Variants in FILIP1L observed in about 807,000 individuals in gnomAD.
The protein encoded by FILIP1L is filamin A-interacting protein 1-like.
In FILIP1L, 55 loss-of-function variants were observed where a neutral mutation model predicts 96.6. The observed-to-expected ratio is 0.57, with a 90% CI of 0.46 to 0.71. FILIP1L has a LOEUF of 0.71. FILIP1L is among the 30% of genes least tolerant of loss of function. The probability of loss-of-function intolerance (pLI) is 0.00; values close to 1 mark genes in which losing one functional copy is unlikely to be tolerated. For missense variants in FILIP1L, 1,304 were observed against 1,321.2 expected, an observed-to-expected ratio of 0.99 and a Z score of 0.20; for synonymous variants, 467 against 473.9, an observed-to-expected ratio of 0.99 and a Z score of 0.19.
chr3:99,980,544 G>T (rs1709091941), intron 1 of FILIP1L, among the ~76,000 whole-genome samples: 1 of 152,118 alleles, frequency 6.6e-6, no homozygotes, highest in East Asian at 1.9e-4. Flanking sequence ...TTCAGTTCAG[G>T]TTTTATCCAA....
At chr3:99,959,713 G>C (rs1043808394) in intron 1 of FILIP1L, among the ~76,000 whole-genome samples, 1 of 152,198 alleles carries the variant, frequency 6.6e-6, no homozygotes, top group Non-Finnish European at 1.5e-5. Context: ...CCAATAAATA[G>C]AGCAATAATG....
intron 5 of FILIP1L, among the ~76,000 whole-genome samples, chr3:99,837,272 C>T (rs996623938): frequency 6.6e-6 from 1 of 152,148 alleles, no homozygotes; most frequent in African/African-American, 2.4e-5. Flanking sequence ...TGTTATGGAA[C>T]TTTTGAGGAC....
chr3:99,922,449 G>A (rs570098813), intron 4 of FILIP1L, among the ~76,000 whole-genome samples: 14 of 152,190 alleles, frequency 9.2e-5, no homozygotes, highest in East Asian at 3.9e-4. Flanking sequence ...CCTCTCTGCC[G>A]TGTAGTGAAA....
intron 5 of FILIP1L, among the ~76,000 whole-genome samples, chr3:99,844,587 C>G (rs1409324820): frequency 6.6e-6 from 1 of 152,178 alleles, no homozygotes; most frequent in African/African-American, 2.4e-5. Flanking sequence ...GGGAGTTTTA[C>G]TTCAACCAGT....
At chr3:99,911,431 G>T (rs1340526938) in intron 4 of FILIP1L, among the ~76,000 whole-genome samples, 1 of 151,688 alleles carries the variant, frequency 6.6e-6, no homozygotes, top group Non-Finnish European at 1.5e-5. Flanking sequence ...TACACTCTAG[G>T]TTCTCTAACA....
chr3:99,914,538 C>T (rs1286897344), intron 4 of FILIP1L, among the ~76,000 whole-genome samples: 5 of 152,076 alleles, frequency 3.3e-5, no homozygotes, highest in Admixed American at 3.3e-4. Flanking sequence ...AACATCATAT[C>T]ATGTTTAAAT....
chr3:99,919,457 A>C, intron 4 of FILIP1L, among the ~76,000 whole-genome samples: 1 of 149,978 alleles, frequency 6.7e-6, no homozygotes, highest in South Asian at 2.2e-4. Flanking sequence ...TATATATTTA[A>C]TCAATTATTG....
chr3:100,042,383 A>G (rs146195249), intron 1 of FILIP1L, among the ~76,000 whole-genome samples: 5 of 152,316 alleles, frequency 3.3e-5, no homozygotes, highest in African/African-American at 1.2e-4. Context: ...GATACAGTGA[A>G]ATCTGTTATC....
At chr3:100,011,874 G>A (rs1007668976) in intron 1 of FILIP1L, 1 of 152,144 alleles carries the variant, frequency 6.6e-6, no homozygotes, top group Non-Finnish European at 1.5e-5. Context: ...TAAAATTCAA[G>A]TTTTAGTATT....
chr3:100,085,124 A>T (rs1465144603), intron 1 of FILIP1L, among the ~76,000 whole-genome samples: 1 of 152,218 alleles, frequency 6.6e-6, no homozygotes, highest in Non-Finnish European at 1.5e-5. Context: ...CAATAGAATC[A>T]CAAGAGAAAC....
intron 1 of FILIP1L, among the ~76,000 whole-genome samples, chr3:99,988,762 A>G (rs1709428366): frequency 6.6e-6 from 1 of 152,188 alleles, no homozygotes; most frequent in African/African-American, 2.4e-5. Context: ...TTTTACAGAA[A>G]CATAGTATAA....
chr3:100,063,196 C>T (rs1026676344), intron 1 of FILIP1L, among the ~76,000 whole-genome samples: 10 of 152,156 alleles, frequency 6.6e-5, no homozygotes, highest in African/African-American at 2.4e-4. Context: ...TTAAAATCTG[C>T]TTACCCTAGA....
At chr3:99,859,935 G>T (rs528465936) in intron 4 of FILIP1L, among the ~76,000 whole-genome samples, 1 of 152,234 alleles carries the variant, frequency 6.6e-6, no homozygotes, top group African/African-American at 2.4e-5. Context: ...ACAAGTCAAA[G>T]GTTTTCTAAA....
chr3:99,855,171 T>C (rs1286963085), intron 4 of FILIP1L, among the ~76,000 whole-genome samples: 1 of 152,218 alleles, frequency 6.6e-6, no homozygotes, highest in Non-Finnish European at 1.5e-5. Flanking sequence ...CCTGTATTCC[T>C]GACCTACATG....
intron 1 of FILIP1L, among the ~76,000 whole-genome samples, chr3:100,021,193 A>G (rs1412845092): frequency 6.6e-6 from 1 of 152,200 alleles, no homozygotes; most frequent in African/African-American, 2.4e-5. Flanking sequence ...TGCCAGTGTC[A>G]CTGCTTTTCC....
intron 1 of FILIP1L, among the ~76,000 whole-genome samples, chr3:100,043,175 A>G (rs2065231804): frequency 6.6e-6 from 1 of 152,186 alleles, no homozygotes; most frequent in South Asian, 2.1e-4. Flanking sequence ...AAGCTCAGAG[A>G]GGCTTTCTTC....
intron 1 of FILIP1L, among the ~76,000 whole-genome samples, chr3:99,990,654 A>G (rs1476143161): frequency 2.0e-5 from 3 of 151,992 alleles, no homozygotes; most frequent in Non-Finnish European, 4.4e-5. Flanking sequence ...ATGTCCTGGC[A>G]TCAGTATCAT....
chr3:100,081,477 C>T (rs1316555014), intron 1 of FILIP1L, among the ~76,000 whole-genome samples: 1 of 152,100 alleles, frequency 6.6e-6, no homozygotes, highest in Non-Finnish European at 1.5e-5. Flanking sequence ...ACTTGACAAC[C>T]CTTATCTTCC....
At chr3:100,100,864 T>C (rs1310333766) in intron 1 of FILIP1L, among the ~76,000 whole-genome samples, 1 of 152,130 alleles carries the variant, frequency 6.6e-6, no homozygotes, top group Non-Finnish European at 1.5e-5. Flanking sequence ...TTTCAGGCAG[T>C]TCATGAGGAA....
Sources: allele counts gnomAD v4.1 joint callset (sites outside exome capture counted in the v4.1 genomes callset), GRCh38; gene constraint gnomAD v4.1.1; transcripts MANE v1.5; gene names NCBI Gene and HGNC (gene_info 2026-07-23, HGNC 2026-07-21).